The following ARHGAP24 variants were observed in gnomAD, a reference collection of about 807,000 sequenced individuals.
The protein encoded by ARHGAP24 is Rho GTPase activating protein 24.
ARHGAP24 carries 50 observed loss-of-function variants against 76.4 expected under a neutral mutation model. That is an observed-to-expected ratio of 0.65 (90% confidence interval 0.52 to 0.83). The LOEUF (loss-of-function observed/expected upper bound fraction) is 0.83. ARHGAP24 is among the 40% of genes least tolerant of loss of function. The pLI, the probability that ARHGAP24 is intolerant of heterozygous loss-of-function variation, is 0.00. For missense variants in ARHGAP24, 930 were observed against 914.2 expected, an observed-to-expected ratio of 1.02 and a Z score of -0.22; for synonymous variants, 345 against 323.3, an observed-to-expected ratio of 1.07 and a Z score of -0.72.
At chr4:85,558,308 T>TA (rs1338063854) in intron 1 of ARHGAP24, among the ~76,000 whole-genome samples, 1 of 152,148 alleles carries the variant, frequency 6.6e-6, no homozygotes, top group East Asian at 1.9e-4. Flanking sequence ...TTCTTAATTT[T>TA]AAAAAATTAT....
chr4:85,983,719 A>G (rs1000476512), intron 8 of ARHGAP24, among the ~76,000 whole-genome samples: 4 of 152,004 alleles, frequency 2.6e-5, no homozygotes, highest in African/African-American at 9.7e-5. Context: ...AACTCTCCCA[A>G]ATCCATTCCA....
At chr4:85,930,933 G>T (rs191817956) in intron 4 of ARHGAP24, 1 of 1,614,012 alleles carries the variant, frequency 6.2e-7, no homozygotes, top group African/African-American at 1.3e-5. Context: ...CCTGTACGAT[G>T]CCTGAAGACC....
At chr4:85,694,482 T>C (rs1314351683) in intron 2 of ARHGAP24, among the ~76,000 whole-genome samples, 1 of 152,184 alleles carries the variant, frequency 6.6e-6, no homozygotes, top group Non-Finnish European at 1.5e-5. Context: ...ACAATCACTT[T>C]TTGAATGAAT....
intron 2 of ARHGAP24, among the ~76,000 whole-genome samples, chr4:85,655,794 GAGAGAGAGAGAGAGAGAGAGAGAA>G (rs1162008601): frequency 3.7e-4 from 18 of 48,288 alleles, no homozygotes; most frequent in African/African-American, 1.3e-3. Flanking sequence ...TATATATATA[GAGAGAGAGAGAGAGAGAGAGAGAA>G]AGAGAGAGAG....
intron 5 of ARHGAP24, among the ~76,000 whole-genome samples, chr4:85,961,373 A>G (rs865997485): frequency 1.3e-5 from 2 of 152,302 alleles, no homozygotes; most frequent in Middle Eastern, 3.4e-3. Flanking sequence ...TGGATATACA[A>G]GAAAATCTTT....
intron 1 of ARHGAP24, among the ~76,000 whole-genome samples, chr4:85,554,837 ATTTTTT>A (rs61380938): frequency 6.8e-6 from 1 of 146,158 alleles, no homozygotes; most frequent in Non-Finnish European, 1.5e-5. Context: ...CGCCCAGCTG[ATTTTTT>A]TTTTTTTTTT....
At chr4:85,784,905 CTCTATCTATCTATCTA>C (rs59888935) in intron 3 of ARHGAP24, among the ~76,000 whole-genome samples, 14,486 of 147,688 alleles carry the variant, frequency 0.098, 802 homozygotes, top group East Asian at 0.18. Context: ...GATTATATAT[CTCTATCTATCTATCTA>C]TCTATCTATC....
chr4:85,922,620 A>C lies in ARHGAP24; in HGVS notation c.269-1028A>C, dbSNP rs147170062. ...CAGTTAAATACTATTCTATTTCTTT[A>C]ATTATTCCTTCTGTGAGCAACACTA... On this transcript the variant is annotated intron_variant, in intron 3 of 9. Transcript: ENST00000395184. 5.6e-4 allele frequency among the ~76,000 whole-genome samples: 86 copies of C among 152,252 alleles called. 1 individual carries two copies. The highest frequency in any genetic ancestry group is 2.0e-3 in the African/African-American group (83 of 41,562).
chr4:85,513,558 T>TAAA (rs370838261), intron 1 of ARHGAP24, among the ~76,000 whole-genome samples: 20 of 146,338 alleles, frequency 1.4e-4, no homozygotes, highest in Non-Finnish European at 1.1e-4. Flanking sequence ...TGCCTTTTTT[T>TAAA]TAAAAAAAAA....
intron 3 of ARHGAP24, among the ~76,000 whole-genome samples, chr4:85,823,396 A>G (rs917753905): frequency 1.3e-5 from 2 of 152,168 alleles, no homozygotes; most frequent in Non-Finnish European, 2.9e-5. Flanking sequence ...ATCATGGCAT[A>G]TGAATATACT....
intron 3 of ARHGAP24, among the ~76,000 whole-genome samples, chr4:85,765,636 C>G (rs1005300068): frequency 6.6e-6 from 1 of 152,026 alleles, no homozygotes; most frequent in African/African-American, 2.4e-5. Context: ...TTACTACTTA[C>G]TTGAAGTTTC....
intron 3 of ARHGAP24, among the ~76,000 whole-genome samples, chr4:85,754,318 T>C (rs1726390545): frequency 6.6e-6 from 1 of 152,240 alleles, no homozygotes; most frequent in African/African-American, 2.4e-5. Flanking sequence ...ATTTTCTTTA[T>C]CCATTCATTT....
intron 1 of ARHGAP24, among the ~76,000 whole-genome samples, chr4:85,499,633 A>C (rs1397991774): frequency 4.6e-5 from 7 of 152,230 alleles, no homozygotes; most frequent in Non-Finnish European, 8.8e-5. Flanking sequence ...TACTATGACT[A>C]TCTTTCATTA....
chr4:85,969,999 C>G (rs1368931851), intron 5 of ARHGAP24, among the ~76,000 whole-genome samples: 1 of 152,140 alleles, frequency 6.6e-6, no homozygotes, highest in Non-Finnish European at 1.5e-5. Context: ...CTAGTTAAAA[C>G]AAGCCCTTTC....
chr4:85,828,067 CA>C, intron 3 of ARHGAP24: 3 of 992,352 alleles, frequency 3.0e-6, no homozygotes, highest in Non-Finnish European at 4.2e-6. Context: ...TTTATATCAC[CA>C]CAAATTCAGG....
intron 2 of ARHGAP24, among the ~76,000 whole-genome samples, chr4:85,640,331 A>C (rs1721478115): frequency 6.6e-6 from 1 of 151,988 alleles, no homozygotes; most frequent in Admixed American, 6.6e-5. Context: ...CCACCTTTCC[A>C]TCTGCTCTCT....
intron 2 of ARHGAP24, among the ~76,000 whole-genome samples, chr4:85,607,695 T>C (rs1315656885): frequency 1.4e-5 from 2 of 147,856 alleles, no homozygotes; most frequent in African/African-American, 5.0e-5. Context: ...TTTTTTTTTT[T>C]TTAAGAAACT....
chr4:85,942,543 A>C (rs984654297), intron 5 of ARHGAP24: 14 of 366,540 alleles, frequency 3.8e-5, no homozygotes, highest in Non-Finnish European at 5.4e-5. Flanking sequence ...AAACTTTTGC[A>C]CTGGAAAAAG....
intron 2 of ARHGAP24, among the ~76,000 whole-genome samples, chr4:85,612,099 C>CACAA (rs1436005197): frequency 1.3e-5 from 2 of 151,248 alleles, no homozygotes; most frequent in African/African-American, 4.9e-5. Flanking sequence ...CACACACACA[C>CACAA]ACACACACAC....
Sources: allele counts gnomAD v4.1 joint callset (sites outside exome capture counted in the v4.1 genomes callset), GRCh38; gene constraint gnomAD v4.1.1; transcripts MANE v1.5; gene names NCBI Gene and HGNC (gene_info 2026-07-23, HGNC 2026-07-21).